The following STARD9 variants were observed in gnomAD, a reference collection of about 807,000 sequenced individuals.
The protein encoded by STARD9 is stAR-related lipid transfer protein 9.
Under a neutral mutation model 399.8 loss-of-function variants are expected in STARD9, and 346 were observed. The ratio of observed to expected loss-of-function variants is 0.87; its 90% confidence interval spans 0.79 to 0.95. STARD9 has a LOEUF of 0.95. STARD9 is among the 40% of genes least tolerant of loss of function. STARD9 has a pLI of 0.00. For synonymous variants in STARD9, 2,203 were observed against 2,143.5 expected (o/e 1.03, Z -0.77); for missense variants, 5,832 against 5,667.5 (o/e 1.03, Z -0.93).
chr15:42,624,331 T>A (rs537456301), intron 3 of STARD9, among the ~76,000 whole-genome samples: 2 of 152,266 alleles, frequency 1.3e-5, no homozygotes, highest in Admixed American at 1.3e-4. Flanking sequence ...ACACTATTTA[T>A]GTCTATAATA....
intron 26 of STARD9, among the ~76,000 whole-genome samples, chr15:42,699,578 A>G (rs895220633): frequency 3.3e-5 from 5 of 150,976 alleles, no homozygotes; most frequent in Admixed American, 6.6e-5. Context: ...TGTTTTTAGT[A>G]GAGATGGGGT....
Position 42,688,687 on chromosome 15 carries a change from A to T in STARD9, c.7109A>T (p.His2370Leu). 6.5e-7 allele frequency: 1 copy of T among 1,537,718 alleles called. No homozygotes were observed. Among genetic ancestry groups the T allele is most frequent in the Non-Finnish European group, 8.7e-7 (1 of 1,147,032 alleles). The change falls in exon 23 of 33, where the codon CAT (histidine) becomes CTT (leucine). Residue 2370 changes from histidine (H) to leucine (L), a missense_variant. Coordinates refer to ENST00000290607, the MANE Select transcript of STARD9 (RefSeq NM_020759.3). Reference protein sequence around the residue: ...CVLDLTMLKIHNSPLVTGVEH... With the variant: ...CVLDLTMLKILNSPLVTGVEH... ...CTGGATCTCACAATGTTGAAAATTC[A>T]TAACAGTCCCTTGGTAACTGGAGTA...
chr15:42,716,656 T>C, intron 26 of STARD9, 21 bp from the exon 27 acceptor site: 1 of 1,477,432 alleles, frequency 6.8e-7, no homozygotes, highest in South Asian at 1.2e-5. Context: ...GGCTCTGTCC[T>C]GAGTATCCTC....
Position 42,652,547 on chromosome 15 carries a change from G to A in STARD9, c.657G>A (p.Glu219=), listed in dbSNP as rs2059783770. 2.0e-6 allele frequency: 3 copies of A among 1,537,406 alleles called. No homozygotes were observed. The highest frequency in any genetic ancestry group is 1.4e-5 in the African/African-American group (1 of 73,038). ...NRITAATHVH[E]ASSRSHAIFT... is the part of the protein sequence containing the mutation. ...TCACAGCAGCCACCCATGTTCATGA[G>A]GCCAGCAGCAGATCCCACGCCATTT... is the stretch of plus-strand genomic sequence containing the variant. Residue 219 remains glutamate, a synonymous_variant, in exon 9 of 33, where the codon GAG becomes GAA. Coordinates refer to ENST00000290607, the MANE Select transcript of STARD9 (RefSeq NM_020759.3).
Position 42,718,516 on chromosome 15 carries a change from T to C in STARD9, c.13842+2T>C. 1 of 1,536,870 alleles carries C rather than the reference T, an allele frequency of 6.5e-7. No individual in the cohort carries two copies. Among genetic ancestry groups the C allele is most frequent in the Non-Finnish European group, 8.7e-7 (1 of 1,146,666 alleles). On this transcript the variant is annotated splice_donor_variant, in intron 31 of 32. Coordinates refer to ENST00000290607, the MANE Select transcript of STARD9 (RefSeq NM_020759.3). LOFTEE classifies it high-confidence loss of function. Reference sequence around the variant, plus strand: ...TGTGTCTGCGTGGAAGCCAAAGAGGTGCCTGCCTTGGTGGTAAAGATGTTG... The same window carrying C: ...TGTGTCTGCGTGGAAGCCAAAGAGGCGCCTGCCTTGGTGGTAAAGATGTTG...
At chr15:42,655,652 A>G (rs893762573) in intron 9 of STARD9, among the ~76,000 whole-genome samples, 2 of 152,244 alleles carry the variant, frequency 1.3e-5, no homozygotes, top group East Asian at 3.8e-4. Context: ...TAACATTGGA[A>G]AAATCCTTCT....
At chr15:42,585,362 G>A (rs1264333431) in intron 2 of STARD9, among the ~76,000 whole-genome samples, 159 bp from the exon 3 acceptor site, 2 of 152,198 alleles carry the variant, frequency 1.3e-5, no homozygotes, top group African/African-American at 4.8e-5. Context: ...TATCTAATAA[G>A]ATGGAGAGAA....
chr15:42,604,729 G>A (rs2058696299), intron 3 of STARD9, among the ~76,000 whole-genome samples: 1 of 135,470 alleles, frequency 7.4e-6, no homozygotes, highest in Admixed American at 8.7e-5. Flanking sequence ...CTGCAGCCTT[G>A]ATCTCCTGGG....
At chr15:42,616,058 G>A (rs1429373741) in intron 3 of STARD9, among the ~76,000 whole-genome samples, 1 of 151,698 alleles carries the variant, frequency 6.6e-6, no homozygotes, top group African/African-American at 2.4e-5. Flanking sequence ...TTTTCGCTTG[G>A]TATAAGAAGT....
intron 1 of STARD9, among the ~76,000 whole-genome samples, chr15:42,579,326 A>G (rs528504919): frequency 2.0e-5 from 3 of 152,340 alleles, no homozygotes; most frequent in African/African-American, 7.2e-5. Context: ...GAGACAAAAC[A>G]TGGTCACATA....
At chr15:42,611,908 C>T (rs905689479) in intron 3 of STARD9, among the ~76,000 whole-genome samples, 1 of 152,170 alleles carries the variant, frequency 6.6e-6, no homozygotes, top group Non-Finnish European at 1.5e-5. Flanking sequence ...TGGTACCTCT[C>T]TCCTGTCAAG....
intron 12 of STARD9, 95 bp from the exon 13 acceptor site, chr15:42,663,725 G>A (rs2060034104): frequency 2.0e-6 from 2 of 979,808 alleles, no homozygotes; most frequent in East Asian, 5.2e-5. Flanking sequence ...TTTCATCAGG[G>A]GTCTTATACA....
chr15:42,604,626 A>ATTTTT lies in STARD9; in HGVS notation c.234+19015_234+19019dup, dbSNP rs11349330. On this transcript the variant is annotated intron_variant, in intron 3 of 32. Coordinates refer to ENST00000290607, the MANE Select transcript of STARD9 (RefSeq NM_020759.3). The stretch of plus-strand genomic sequence containing the variant: ...GATTGCTTTATTCAGGATCAAATTG[A>ATTTTT]TTTTTTTTTTTTTTTTTTTTTTTTT... 3.7e-4 allele frequency among the ~76,000 whole-genome samples: 20 copies of ATTTTT among 54,742 alleles called. 1 individual carries two copies. The highest frequency in any genetic ancestry group is 8.7e-4 in the Admixed American group (3 of 3,446). 35.9% of individuals were successfully genotyped at this position (54,742 alleles called of 152,430 possible).
intron 10 of STARD9, 107 bp downstream of exon 10, chr15:42,661,332 C>G (rs2059989466): frequency 1.2e-6 from 1 of 822,730 alleles, no homozygotes; most frequent in South Asian, 1.6e-5. Flanking sequence ...GAGAGTATTA[C>G]AAAAGAAATA....
chr15:42,692,000 T>A lies in STARD9; in HGVS notation c.10422T>A (p.Arg3474=), dbSNP rs1427099339. 6.5e-7 allele frequency: 1 copy of A among 1,537,062 alleles called. No individual in the cohort carries two copies. The highest frequency in any genetic ancestry group is 1.4e-5 in the African/African-American group (1 of 73,014). The stretch of plus-strand genomic sequence containing the variant: ...TCAGTCCCTATGCGCTGCCGTGGCG[T>A]CCGGAGGAGCCTGCACGTATCAGCT... ...SDISPYALPW[R]PEEPARISWK... Residue 3474 remains arginine (R), a synonymous_variant, in exon 23 of 33, where the codon CGT becomes CGA. Coordinates refer to ENST00000290607, the MANE Select transcript of STARD9 (RefSeq NM_020759.3).
chr15:42,617,095 T>C lies in STARD9; in HGVS notation c.235-17761T>C, dbSNP rs551801457. On this transcript the variant is annotated intron_variant, in intron 3 of 32. Transcript: ENST00000290607. ...AACACTTCTAATGAAGTATTCATTG[T>C]GTAAAAGAATCCTAACAATTCACCT... is the stretch of plus-strand genomic sequence containing the variant. Among the ~76,000 whole-genome samples, 6 of 152,304 alleles carry C rather than the reference T, an allele frequency of 3.9e-5. 1 individual carries two copies. The South Asian group carries it at 1.2e-3, about 32-fold the overall frequency.
intron 3 of STARD9, among the ~76,000 whole-genome samples, chr15:42,600,723 C>G (rs537783656): frequency 6.6e-6 from 1 of 152,038 alleles, no homozygotes; most frequent in South Asian, 2.1e-4. Context: ...TGGGGTCTCT[C>G]CATGTTGATC....
rs1227904371 is a variant in STARD9 at position 42,688,265 on chromosome 15, A to C, written c.6687A>C (p.Ala2229=). ...AGAATAATGGCCAGTTTGTAAAAGC[A>C]TCAGCAAGTCTCAAAGGGCAGCCTT... ...SSKNNGQFVK[A]SASLKGQPWG... The change falls in exon 23 of 33, where the codon GCA becomes GCC. Residue 2229 remains alanine (A), a synonymous_variant. Coordinates refer to ENST00000290607, the MANE Select transcript of STARD9 (RefSeq NM_020759.3). The C allele has an allele frequency of 2.0e-6, 3 of 1,537,524 alleles. No homozygotes were observed. The African/African-American group carries it at 4.1e-5, about 21-fold the overall frequency.
chr15:42,654,760 C>T lies in STARD9; in HGVS notation c.702+2168C>T, dbSNP rs58903190. On this transcript the variant is annotated intron_variant, in intron 9 of 32. Coordinates refer to ENST00000290607, the MANE Select transcript of STARD9 (RefSeq NM_020759.3). The stretch of plus-strand genomic sequence containing the variant: ...CTGTACAAGAAGAACTACAAAACAC[C>T]GCTGAAAGAAATCATATATGACACA... Among the ~76,000 whole-genome samples, 607 of 152,044 alleles carry T rather than the reference C, an allele frequency of 4.0e-3. 2 individuals are homozygous for T. The highest frequency in any genetic ancestry group is 0.013 in the African/African-American group (558 of 41,500).
Sources: gnomAD v4.1 joint callset for allele counts (sites outside exome capture counted in the v4.1 genomes callset) on GRCh38, gnomAD v4.1.1 for gene constraint, MANE v1.5 for transcripts, NCBI Gene and HGNC (gene_info 2026-07-23, HGNC 2026-07-21) for gene names.